The following ADAMTS17 variants were observed in gnomAD, a reference collection of about 807,000 sequenced individuals.
The protein encoded by ADAMTS17 is A disintegrin and metalloproteinase with thrombospondin motifs 17.
ADAMTS17 carries 113 observed loss-of-function variants against 141.5 expected under a neutral mutation model. That is an observed-to-expected ratio of 0.80 (90% confidence interval 0.69 to 0.93). ADAMTS17 has a LOEUF of 0.93. Ranked by LOEUF, ADAMTS17 falls within the 40% of genes least tolerant of loss-of-function variation. ADAMTS17 has a pLI of 0.00. For missense variants in ADAMTS17, 1,659 were observed against 1,517.9 expected, an observed-to-expected ratio of 1.09 and a Z score of -1.54; for synonymous variants, 768 against 630.6, an observed-to-expected ratio of 1.22 and a Z score of -3.27.
intron 7 of ADAMTS17, among the ~76,000 whole-genome samples, chr15:100,249,769 C>G (rs1401889214): frequency 6.6e-6 from 1 of 152,204 alleles, no homozygotes; most frequent in Non-Finnish European, 1.5e-5. Flanking sequence ...TACGGAAGCC[C>G]CAAACCTCGC....
intron 4 of ADAMTS17, among the ~76,000 whole-genome samples, chr15:100,279,292 AC>A (rs1040197369): frequency 6.6e-6 from 1 of 151,798 alleles, no homozygotes; most frequent in African/African-American, 2.4e-5. Flanking sequence ...CCCAGCACTT[AC>A]CCCTGAGCTC....
At chr15:99,995,459 T>A (rs2060782879) in intron 19 of ADAMTS17, among the ~76,000 whole-genome samples, 1 of 152,216 alleles carries the variant, frequency 6.6e-6, no homozygotes, top group South Asian at 2.1e-4. Context: ...TGAGGACGGC[T>A]CCAGCTCCAA....
intron 7 of ADAMTS17, among the ~76,000 whole-genome samples, chr15:100,251,841 C>A (rs2043165464): frequency 6.6e-6 from 1 of 152,136 alleles, no homozygotes; most frequent in South Asian, 2.1e-4. Context: ...CAGGCAGGTG[C>A]GCACACAGAG....
At chr15:100,183,247 C>T (rs928870542) in intron 8 of ADAMTS17, among the ~76,000 whole-genome samples, 1 of 152,038 alleles carries the variant, frequency 6.6e-6, no homozygotes, top group African/African-American at 2.4e-5. Context: ...CCTTGGCCTC[C>T]CCCAAAGTGC....
intron 15 of ADAMTS17, among the ~76,000 whole-genome samples, chr15:100,066,382 A>AT (rs34587489): frequency 0.72 from 107,825 of 150,554 alleles, 39,260 homozygotes; most frequent in South Asian, 0.8. Flanking sequence ...CACGTCTTAG[A>AT]TTTTTTTTTT....
At chr15:100,129,977 C>A (rs1013946676) in intron 12 of ADAMTS17, among the ~76,000 whole-genome samples, 1 of 152,212 alleles carries the variant, frequency 6.6e-6, no homozygotes. Context: ...AACGTCAACA[C>A]AGAGTAATGC....
At chr15:100,210,230 C>CAAAA (rs34086690) in intron 7 of ADAMTS17, among the ~76,000 whole-genome samples, 23 of 31,210 alleles carry the variant, frequency 7.4e-4, no homozygotes, top group Non-Finnish European at 8.9e-4. Context: ...GACTCCATCT[C>CAAAA]AAAAAAAAAA....
chr15:100,170,383 C>G (rs1274904312), intron 8 of ADAMTS17, among the ~76,000 whole-genome samples: 2 of 152,180 alleles, frequency 1.3e-5, no homozygotes, highest in African/African-American at 4.8e-5. Context: ...GAGAAGCAAC[C>G]TGCCCACGGC....
intron 7 of ADAMTS17, among the ~76,000 whole-genome samples, chr15:100,200,663 T>G (rs995809881): frequency 2.6e-5 from 4 of 152,166 alleles, no homozygotes; most frequent in Admixed American, 2.0e-4. Context: ...GCAGTCACAT[T>G]GGGGGTTGGT....
rs1160427774 is a variant in ADAMTS17 at position 100,162,471 on chromosome 15, TTA to T, written c.1182-7153_1182-7152del. ...AGTTATATATATGCACATATACACATTATATGTGTATATATATGCACATATAC... is the reference window on the plus strand; with the variant it reads ...AGTTATATATATGCACATATACACATTATGTGTATATATATGCACATATAC... On this transcript the variant is annotated intron_variant, in intron 8 of 21. Coordinates refer to ENST00000268070, the MANE Select transcript of ADAMTS17 (RefSeq NM_139057.4). Among the ~76,000 whole-genome samples, 51 of 133,182 alleles carry T rather than the reference TTA, an allele frequency of 3.8e-4. 2 individuals carry two copies. The highest frequency in any genetic ancestry group is 1.9e-3 in the Admixed American group (23 of 12,162). 87.4% of individuals were successfully genotyped at this position (133,182 alleles called of 152,430 possible).
intron 8 of ADAMTS17, among the ~76,000 whole-genome samples, chr15:100,163,569 T>A (rs2039825546): frequency 1.3e-5 from 2 of 152,196 alleles, no homozygotes; most frequent in Admixed American, 1.3e-4. Flanking sequence ...CACTGCAGCC[T>A]CAAACTCCTG....
In ADAMTS17 at chr15:100,257,352, C is replaced by T. The variant is rs1190292662; in HGVS notation, c.1032-3173G>A. On this transcript the variant is annotated intron_variant, in intron 6 of 21. Coordinates refer to ENST00000268070, the MANE Select transcript of ADAMTS17 (RefSeq NM_139057.4). ...CTGGCCAACTCAGCTTCCTGCCCGA[C>T]TCCACTGCGGCCTCCCCCGTCCTTC... Among the ~76,000 whole-genome samples, 4 of 152,256 alleles carry T rather than the reference C, an allele frequency of 2.6e-5. No homozygotes were observed. In the East Asian group the frequency reaches 7.7e-4, roughly 29 times the overall value.
chr15:100,109,260 C>CCAGCTCCTCTAAATACGCGGCA, intron 13 of ADAMTS17, 144 bp from the exon 14 acceptor site: 2 of 1,165,204 alleles, frequency 1.7e-6, no homozygotes, highest in Non-Finnish European at 1.2e-6. Context: ...GGTACGCGCT[C>CCAGCTCCTCTAAATACGCGGCA]CAGGAAGCGG....
chr15:100,286,757 T>C (rs2044461188), intron 3 of ADAMTS17, among the ~76,000 whole-genome samples: 1 of 150,606 alleles, frequency 6.6e-6, no homozygotes, highest in African/African-American at 2.4e-5. Context: ...AAAGCCAGAG[T>C]GTCTTACCTC....
At chr15:100,061,539 T>A (rs1321344588) in intron 15 of ADAMTS17, among the ~76,000 whole-genome samples, 1 of 152,094 alleles carries the variant, frequency 6.6e-6, no homozygotes, top group Admixed American at 6.6e-5. Flanking sequence ...GGCCTTAAAG[T>A]GAATGTGAGT....
chr15:100,320,559 A>G (rs1460255453), intron 3 of ADAMTS17, among the ~76,000 whole-genome samples: 1 of 152,206 alleles, frequency 6.6e-6, no homozygotes, highest in Non-Finnish European at 1.5e-5. Context: ...GAGGCTGAAC[A>G]CCATGGCCCA....
intron 15 of ADAMTS17, among the ~76,000 whole-genome samples, chr15:100,089,428 T>A (rs2035309615): frequency 6.7e-6 from 1 of 150,050 alleles, no homozygotes; most frequent in Non-Finnish European, 1.5e-5. Flanking sequence ...GTGTGGCGAT[T>A]CCTCAGGGAT....
At chr15:100,270,504 T>C (rs1567462963) in intron 4 of ADAMTS17, among the ~76,000 whole-genome samples, 1 of 152,064 alleles carries the variant, frequency 6.6e-6, no homozygotes, top group Admixed American at 6.5e-5. Context: ...GCCTAGGAAT[T>C]AAAAAAGTAA....
At chr15:100,327,086 C>T (rs566094605) in intron 3 of ADAMTS17, among the ~76,000 whole-genome samples, 2 of 152,106 alleles carry the variant, frequency 1.3e-5, no homozygotes, top group East Asian at 3.9e-4. Flanking sequence ...CAGACCTTGG[C>T]GATGACCTTG....
Sources: allele counts gnomAD v4.1 joint callset (sites outside exome capture counted in the v4.1 genomes callset), GRCh38; gene constraint gnomAD v4.1.1; transcripts MANE v1.5; gene names NCBI Gene and HGNC (gene_info 2026-07-23, HGNC 2026-07-21).